SF3B1: variants seen among roughly 807,000 people sequenced by gnomAD.
SF3B1 encodes splicing factor 3b subunit 1.
In SF3B1, 12 loss-of-function variants were observed where a neutral mutation model predicts 153.8. The ratio of observed to expected loss-of-function variants is 0.08; its 90% CI spans 0.05 to 0.13. The LOEUF is 0.13. Ranked by LOEUF, SF3B1 falls within the 10% of genes least tolerant of loss-of-function variation. SF3B1 has a pLI of 1.00. For missense variants in SF3B1, 513 were observed against 1,606.1 expected (o/e 0.32, Z 11.63); for synonymous variants, 498 against 525.2 (o/e 0.95, Z 0.71).
intron 23 of SF3B1, 104 bp from the exon 24 acceptor site, chr2:197,393,292 C>T: frequency 1.4e-6 from 1 of 732,884 alleles, no homozygotes; most frequent in Non-Finnish European, 2.4e-6. Flanking sequence ...TTCACCGGCC[C>T]ATTAGAAACT....
chr2:197,416,813 C>G lies in SF3B1; in HGVS notation c.594G>C (p.Arg198=), dbSNP rs780039036. 1 of 1,614,162 alleles carries G rather than the reference C, an allele frequency of 6.2e-7. No individual in the cohort carries two copies. The highest frequency in any genetic ancestry group is 1.1e-5 in the South Asian group (1 of 91,084). Residue 198 remains arginine, a synonymous_variant, in exon 6 of 25, where the codon CGG becomes CGC. Transcript: ENST00000335508. ...AASQPPSKRK[R]RWDQTADQTP... Reference sequence around the variant, plus strand: ...TCTGATCAGCTGTTTGATCCCAACGCCGTTTTCGTTTTGATGGAGGCTGGG... The same window carrying G: ...TCTGATCAGCTGTTTGATCCCAACGGCGTTTTCGTTTTGATGGAGGCTGGG...
intron 6 of SF3B1, among the ~76,000 whole-genome samples, chr2:197,416,210 G>C (rs1047906092): frequency 6.6e-6 from 1 of 151,728 alleles, no homozygotes. Context: ...AGTAGTGAGG[G>C]GCTTAAGTTA....
chr2:197,418,340 G>A (rs981070887), intron 5 of SF3B1, among the ~76,000 whole-genome samples, 169 bp downstream of exon 5: 1 of 145,482 alleles, frequency 6.9e-6, no homozygotes, highest in African/African-American at 2.5e-5. Context: ...GAAATGAAAA[G>A]TTTTACTTGG....
intron 4 of SF3B1, chr2:197,419,908 G>C (rs2085212338): frequency 4.5e-6 from 1 of 222,698 alleles, no homozygotes; most frequent in Admixed American, 5.7e-5. Context: ...TAGCAAAACA[G>C]ACTCCAACTA....
intron 11 of SF3B1, chr2:197,404,810 C>T: frequency 3.8e-6 from 1 of 263,218 alleles, no homozygotes; most frequent in Non-Finnish European, 7.5e-6. Flanking sequence ...CCACACTCCA[C>T]AGCGGGCTAT....
chr2:197,410,267 T>A (rs1360887373), intron 6 of SF3B1, among the ~76,000 whole-genome samples: 1 of 152,128 alleles, frequency 6.6e-6, no homozygotes, highest in Admixed American at 6.5e-5. Context: ...TCGATATGAA[T>A]CTTTGATATG....
At chr2:197,420,956 T>C in intron 3 of SF3B1, 73 bp downstream of exon 3, 2 of 881,476 alleles carry the variant, frequency 2.3e-6, no homozygotes, top group South Asian at 3.1e-5. Context: ...CTAAAATTTA[T>C]GGATTTCTAT....
chr2:197,415,719 T>C (rs1336012522), intron 6 of SF3B1, among the ~76,000 whole-genome samples: 1 of 152,236 alleles, frequency 6.6e-6, no homozygotes, highest in Admixed American at 6.5e-5. Flanking sequence ...TCTGCAAGTA[T>C]ATTATTAAAT....
At chr2:197,415,312 G>T (rs772956596) in intron 6 of SF3B1, among the ~76,000 whole-genome samples, 2 of 151,680 alleles carry the variant, frequency 1.3e-5, no homozygotes, top group African/African-American at 2.4e-5. Context: ...GAACACATTG[G>T]CGTAATCTCA....
At chr2:197,426,467 T>G (rs1168118045) in intron 1 of SF3B1, among the ~76,000 whole-genome samples, 1 of 150,656 alleles carries the variant, frequency 6.6e-6, no homozygotes, top group Non-Finnish European at 1.5e-5. Flanking sequence ...AGCTTCAGGC[T>G]TTTTTTTTAA....
chr2:197,415,483 T>C (rs2085134557), intron 6 of SF3B1, among the ~76,000 whole-genome samples: 1 of 152,070 alleles, frequency 6.6e-6, no homozygotes, highest in South Asian at 2.1e-4. Context: ...CTTGAACTCC[T>C]GACCTCAAGA....
chr2:197,421,906 G>C (rs1448990069), intron 2 of SF3B1, among the ~76,000 whole-genome samples: 1 of 152,208 alleles, frequency 6.6e-6, no homozygotes, highest in East Asian at 1.9e-4. Context: ...GCTTGATCTC[G>C]GGAGGCGAAG....
At position 197,394,201 on chromosome 2, in the gene SF3B1, T is replaced by G. The variant is rs541481953; in HGVS notation, c.3540-1013A>C. Among the ~76,000 whole-genome samples, 5 of 151,610 alleles carry G rather than the reference T, an allele frequency of 3.3e-5. No individual in the cohort carries two copies. The East Asian group carries it at 9.7e-4, about 29-fold the overall frequency. ...CTCTGTCTCAAAAAAAAAAGAAAAA[T>G]TATTTTTCTTTTTTATTGTTATTGT... is the stretch of plus-strand genomic sequence containing the variant. On this transcript the variant is annotated intron_variant, in intron 23 of 24. Coordinates refer to ENST00000335508, the MANE Select transcript of SF3B1 (RefSeq NM_012433.4).
chr2:197,399,984 T>C lies in SF3B1; in HGVS notation c.3013+71A>G, dbSNP rs1411723329. On this transcript the variant is annotated intron_variant, in intron 20 of 24. Coordinates refer to ENST00000335508, the MANE Select transcript of SF3B1 (RefSeq NM_012433.4). Reference sequence around the variant, plus strand: ...ACCTCCCAACTCCTAAATAAGATTTTACTTACGAAAAAAAAAAGAAAAAGA... The same window carrying C: ...ACCTCCCAACTCCTAAATAAGATTTCACTTACGAAAAAAAAAAGAAAAAGA... The C allele has an allele frequency of 2.1e-5, 23 of 1,088,834 alleles. No individual in the cohort carries two copies. The East Asian group carries it at 4.6e-4, about 22-fold the overall frequency. The allele number at this position is 1,088,834 out of a possible 1,614,324, so 67.4% of individuals were successfully genotyped here. A position where few individuals can be genotyped will look rare whatever the true frequency, so the allele number is the denominator to read the frequency against.
intron 20 of SF3B1, among the ~76,000 whole-genome samples, chr2:197,399,523 T>TA (rs1226008426): frequency 6.6e-6 from 1 of 152,240 alleles, no homozygotes; most frequent in Non-Finnish European, 1.5e-5. Context: ...ATAGCTGTAT[T>TA]ACGGGTTAGA....
chr2:197,395,639 A>G (rs2084867532), intron 23 of SF3B1, among the ~76,000 whole-genome samples: 1 of 152,120 alleles, frequency 6.6e-6, no homozygotes, highest in Non-Finnish European at 1.5e-5. Flanking sequence ...TAGTTCTGGC[A>G]GGCTATTGTT....
chr2:197,434,636 A>C (rs770171718), intron 1 of SF3B1, among the ~76,000 whole-genome samples: 1 of 152,168 alleles, frequency 6.6e-6, no homozygotes, highest in Non-Finnish European at 1.5e-5. Flanking sequence ...TCGAGAGGCG[A>C]GTGAGACCTT....
At chr2:197,431,339 G>A (rs1056998586) in intron 1 of SF3B1, among the ~76,000 whole-genome samples, 2 of 151,756 alleles carry the variant, frequency 1.3e-5, no homozygotes, top group Non-Finnish European at 2.9e-5. Context: ...AGGCTGGTCT[G>A]GAACTCCTAA....
chr2:197,425,254 T>TCA, intron 1 of SF3B1, among the ~76,000 whole-genome samples: 1 of 152,240 alleles, frequency 6.6e-6, no homozygotes, highest in East Asian at 1.9e-4. Context: ...TCACCTGAGG[T>TCA]CAGGAGTTCA....
Sources: allele counts gnomAD v4.1 joint callset (sites outside exome capture counted in the v4.1 genomes callset), GRCh38; gene constraint gnomAD v4.1.1; transcripts MANE v1.5; gene names NCBI Gene and HGNC (gene_info 2026-07-23, HGNC 2026-07-21).